The following IGIP variants were observed in gnomAD, a reference collection of about 807,000 sequenced individuals.
IGIP encodes the protein IgA-inducing protein homolog.
Under a neutral mutation model 3.2 loss-of-function variants are expected in IGIP, and 1 was observed. That is an observed-to-expected ratio of 0.32 (90% CI 0.11 to 1.50). The LOEUF (loss-of-function observed/expected upper bound fraction) is 1.50, where lower values mean the gene tolerates loss of function less well. Ranked by LOEUF, IGIP falls within the 40% of genes most tolerant of loss-of-function variation. The probability of loss-of-function intolerance (pLI) is 0.39; values close to 1 mark genes in which losing one functional copy is unlikely to be tolerated. For missense variants in IGIP, 64 were observed against 69.0 expected (o/e 0.93, Z 0.26); for synonymous variants, 20 against 22.7 (o/e 0.88, Z 0.34).
At position 140,127,676 on chromosome 5, in the gene IGIP, A is replaced by G. The variant is rs911373033; in HGVS notation, c.-801A>G. On this transcript the variant is annotated 5_prime_UTR_variant, in exon 1 of 1. Coordinates refer to ENST00000333305, the MANE Select transcript of IGIP (RefSeq NM_001007189.2). ...ACTGGAAGAAATTTTAAAAAAAGGA[A>G]TCCTGCTGTGAAAGGTATATATTAC... 5.4e-5 allele frequency: 9 copies of G among 166,954 alleles called. No homozygotes were observed. The highest frequency in any genetic ancestry group is 2.2e-4 in the African/African-American group (9 of 41,468). 10.3% of individuals were successfully genotyped at this position (166,954 alleles called of 1,614,324 possible). A position where few individuals can be genotyped will look rare whatever the true frequency, so the allele number is the denominator to read the frequency against.
rs1305898751 is a variant in IGIP at position 140,127,572 on chromosome 5, T to G, written c.-905T>G. On this transcript the variant is annotated 5_prime_UTR_variant, in exon 1 of 1. Coordinates refer to ENST00000333305, the MANE Select transcript of IGIP (RefSeq NM_001007189.2). ...ATTATTTTCAATGGTTGTGATAGAA[T>G]TTCCCCCAGTAGCCATTATTTTAAG... 6.0e-6 allele frequency: 1 copy of G among 167,086 alleles called. No homozygotes were observed. The highest frequency in any genetic ancestry group is 1.5e-5 in the Non-Finnish European group (1 of 68,134). 10.4% of individuals were successfully genotyped at this position (167,086 alleles called of 1,614,324 possible).
Position 140,126,853 on chromosome 5 carries a change from C to T in IGIP, c.-1624C>T, listed in dbSNP as rs1763219367. The stretch of plus-strand genomic sequence containing the variant: ...ACAGGTCACAGCTTGGATGATTGAC[C>T]TCAGGTGCCGTAGACAGCCCCAGAT... On this transcript the variant is annotated 5_prime_UTR_variant, in exon 1 of 1. Coordinates refer to ENST00000333305, the MANE Select transcript of IGIP (RefSeq NM_001007189.2). 1 of 167,062 alleles carries T rather than the reference C, an allele frequency of 6.0e-6. No individual in the cohort carries two copies. Among genetic ancestry groups the T allele is most frequent in the Non-Finnish European group, 1.5e-5 (1 of 68,136 alleles). The allele number at this position is 167,062 out of a possible 1,614,324, so 10.3% of individuals were successfully genotyped here.
Position 140,128,917 on chromosome 5 carries a change from A to G in IGIP, c.*279A>G. The G allele has an allele frequency of 3.0e-6, 1 of 336,848 alleles. No individual in the cohort carries two copies. Among genetic ancestry groups the G allele is most frequent in the East Asian group, 7.1e-5 (1 of 14,000 alleles). 20.9% of individuals were successfully genotyped at this position (336,848 alleles called of 1,614,324 possible). A position where few individuals can be genotyped will look rare whatever the true frequency, so the allele number is the denominator to read the frequency against. ...TGGAAACTTTTTAGGACTCAGTAGC[A>G]GGTATACTTATGCTTATGAATTGGC... On this transcript the variant is annotated 3_prime_UTR_variant, in exon 1 of 1. Coordinates refer to ENST00000333305, the MANE Select transcript of IGIP (RefSeq NM_001007189.2).
rs1763239211 is a variant in IGIP at position 140,128,580 on chromosome 5, G to A, written c.104G>A (p.Gly35Glu). The change falls in exon 1 of 1, where the codon GGA (glycine) becomes GAA (glutamate). Residue 35 changes from glycine to glutamate, a missense_variant. Coordinates refer to ENST00000333305, the MANE Select transcript of IGIP (RefSeq NM_001007189.2). Reference protein sequence around the residue: ...SHLSAGKSPCGNQANVLCISR... With the variant: ...SHLSAGKSPCENQANVLCISR... ...CTCAGTGCTGGGAAATCACCATGTG[G>A]AAACCAAGCAAACGTGTTGTGCATC... 2 of 1,611,938 alleles carry A rather than the reference G, an allele frequency of 1.2e-6. No individual in the cohort carries two copies. Among genetic ancestry groups the A allele is most frequent in the East Asian group, 4.5e-5 (2 of 44,798 alleles).
In IGIP at chr5:140,127,364, T is replaced by C. The variant is rs542799233; in HGVS notation, c.-1113T>C. The C allele has an allele frequency of 6.0e-6, 1 of 167,122 alleles. No individual in the cohort carries two copies. The highest frequency in any genetic ancestry group is 2.1e-4 in the South Asian group (1 of 4,826). 10.4% of individuals were successfully genotyped at this position (167,122 alleles called of 1,614,324 possible). ...GGAGGCTTCCAGAGGCTTCCAGCCA[T>C]GAGGTGTGAGCTGAAACCAATTTTT... On this transcript the variant is annotated 5_prime_UTR_variant, in exon 1 of 1. It removes an upstream start codon present in the reference 5' UTR. Coordinates refer to ENST00000333305, the MANE Select transcript of IGIP (RefSeq NM_001007189.2).
rs1234352580 is a variant in IGIP at position 140,127,887 on chromosome 5, A to G, written c.-590A>G. The stretch of plus-strand genomic sequence containing the variant: ...TAAGATTAACTTTATTAAAGAATGT[A>G]AACATTAATGTTTCCTTATGGGAAA... On this transcript the variant is annotated 5_prime_UTR_variant, in exon 1 of 1. The change abolishes the stop of an existing upstream ORF in the 5' untranslated region. Coordinates refer to ENST00000333305, the MANE Select transcript of IGIP (RefSeq NM_001007189.2). 6.0e-6 allele frequency: 1 copy of G among 166,980 alleles called. No individual in the cohort carries two copies. Among genetic ancestry groups the G allele is most frequent in the African/African-American group, 2.4e-5 (1 of 41,460 alleles). 10.3% of individuals were successfully genotyped at this position (166,980 alleles called of 1,614,324 possible).
rs1016861804 is a variant in IGIP at position 140,127,100 on chromosome 5, A to C, written c.-1377A>C. 5.4e-5 allele frequency: 9 copies of C among 166,806 alleles called. No individual in the cohort carries two copies. Among genetic ancestry groups the C allele is most frequent in the African/African-American group, 2.2e-4 (9 of 41,334 alleles). The allele number at this position is 166,806 out of a possible 1,614,324, so 10.3% of individuals were successfully genotyped here. On this transcript the variant is annotated 5_prime_UTR_variant, in exon 1 of 1. Transcript: ENST00000333305. ...TAATTGGAAATGTGCATCACTTCCC[A>C]TTTTTCTTACTGATCTCAGTGCAAA...
In IGIP at chr5:140,128,452, T is replaced by G. The variant is rs1763236512; in HGVS notation, c.-25T>G. On this transcript the variant is annotated 5_prime_UTR_variant, in exon 1 of 1. It removes the in-frame stop codon of an upstream open reading frame in the 5' UTR. Transcript: ENST00000333305. The stretch of plus-strand genomic sequence containing the variant: ...AAGTAAGCAAATGCAATTTAAAAAG[T>G]AAATTTGAGCATTCTGTATTAAATA... 2.0e-6 allele frequency: 3 copies of G among 1,535,292 alleles called. No homozygotes were observed. Among genetic ancestry groups the G allele is most frequent in the Non-Finnish European group, 2.6e-6 (3 of 1,144,650 alleles).
At position 140,128,630 on chromosome 5, in the gene IGIP, C is replaced by G; in HGVS notation, c.154C>G (p.Gln52Glu). Residue 52 changes from glutamine to glutamate, a missense_variant, in exon 1 of 1, where the codon CAA becomes GAA. By Grantham distance (29) the Gln-to-Glu change is conservative. Transcript: ENST00000333305. ...CISRLEFVQY[Q>E]S ...CAGCCGGCTTGAGTTTGTTCAATAT[C>G]AAAGCTGAAAACTAGCGAGGTCTGC... 2 of 1,610,184 alleles carry G rather than the reference C, an allele frequency of 1.2e-6. No homozygotes were observed. Among genetic ancestry groups the G allele is most frequent in the Non-Finnish European group, 1.7e-6 (2 of 1,178,930 alleles).
Position 140,128,773 on chromosome 5 carries a change from CA to C in IGIP, c.*142del, listed in dbSNP as rs951472629. The C allele has an allele frequency of 5.6e-6, 4 of 716,650 alleles. No individual in the cohort carries two copies. Among genetic ancestry groups the C allele is most frequent in the African/African-American group, 1.9e-5 (1 of 52,056 alleles). The allele number at this position is 716,650 out of a possible 1,614,324, so 44.4% of individuals were successfully genotyped here. On this transcript the variant is annotated 3_prime_UTR_variant, in exon 1 of 1. Coordinates refer to ENST00000333305, the MANE Select transcript of IGIP (RefSeq NM_001007189.2). ...ATTTGAAAAAATGAAATAAAGTAGG[CA>C]AAAAAATAAAGATGTTTATTTTTCA...
chr5:140,127,002 CAG>C lies in IGIP; in HGVS notation c.-1470_-1469del, dbSNP rs1201718945. The C allele has an allele frequency of 6.0e-6, 1 of 167,070 alleles. No homozygotes were observed. The highest frequency in any genetic ancestry group is 2.4e-5 in the African/African-American group (1 of 41,432). The allele number at this position is 167,070 out of a possible 1,614,324, so 10.3% of individuals were successfully genotyped here. ...ACACATCCTAATCGCTAGCGGTACTCAGAGAGGGGGTGCTAACTCTGATGCCC... is the reference window on the plus strand; with the variant it reads ...ACACATCCTAATCGCTAGCGGTACTCAGAGGGGGTGCTAACTCTGATGCCC... On this transcript the variant is annotated 5_prime_UTR_variant, in exon 1 of 1. Transcript: ENST00000333305.
At position 140,127,679 on chromosome 5, in the gene IGIP, C is replaced by T. The variant is rs1277771476; in HGVS notation, c.-798C>T. The T allele has an allele frequency of 6.0e-6, 1 of 166,724 alleles. No individual in the cohort carries two copies. The highest frequency in any genetic ancestry group is 1.9e-4 in the East Asian group (1 of 5,196). The allele number at this position is 166,724 out of a possible 1,614,324, so 10.3% of individuals were successfully genotyped here. Reference sequence around the variant, plus strand: ...GGAAGAAATTTTAAAAAAAGGAATCCTGCTGTGAAAGGTATATATTACTCT... The same window carrying T: ...GGAAGAAATTTTAAAAAAAGGAATCTTGCTGTGAAAGGTATATATTACTCT... On this transcript the variant is annotated 5_prime_UTR_variant, in exon 1 of 1. Transcript: ENST00000333305.
At position 140,127,477 on chromosome 5, in the gene IGIP, G is replaced by A. The variant is rs1264887484; in HGVS notation, c.-1000G>A. 1.2e-5 allele frequency: 2 copies of A among 167,000 alleles called. No homozygotes were observed. The highest frequency in any genetic ancestry group is 2.9e-5 in the Non-Finnish European group (2 of 68,108). The allele number at this position is 167,000 out of a possible 1,614,324, so 10.3% of individuals were successfully genotyped here. On this transcript the variant is annotated 5_prime_UTR_variant, in exon 1 of 1. Transcript: ENST00000333305. ...GTTCTGCTTTAATCTGGGTAACTGA[G>A]GCTAATATGAGCAAGACTTTGGTTA...
chr5:140,128,601 G>T lies in IGIP; in HGVS notation c.125G>T (p.Cys42Phe). The T allele has an allele frequency of 6.2e-7, 1 of 1,612,680 alleles. No homozygotes were observed. The highest frequency in any genetic ancestry group is 8.5e-7 in the Non-Finnish European group (1 of 1,179,684). ...SPCGNQANVLCISRLEFVQYQ... is the reference protein window; with the variant it reads ...SPCGNQANVLFISRLEFVQYQ... ...TGTGGAAACCAAGCAAACGTGTTGTGCATCAGCCGGCTTGAGTTTGTTCAA... is the reference window on the plus strand; with the variant it reads ...TGTGGAAACCAAGCAAACGTGTTGTTCATCAGCCGGCTTGAGTTTGTTCAA... Residue 42 changes from cysteine (C) to phenylalanine (F), a missense_variant, in exon 1 of 1, where the codon TGC becomes TTC. Physicochemically the swap from Cys to Phe is radical, Grantham distance 205 (BLOSUM62 -2). Coordinates refer to ENST00000333305, the MANE Select transcript of IGIP (RefSeq NM_001007189.2).
chr5:140,128,436 AAT>A lies in IGIP; in HGVS notation c.-40_-39del. ...AATTTTGCCAACTAAGAAGTAAGCA[AAT>A]GCAATTTAAAAAGTAAATTTGAGCA... On this transcript the variant is annotated 5_prime_UTR_variant, in exon 1 of 1. An upstream start codon of the reference 5' UTR is lost. Transcript: ENST00000333305. 1 of 1,514,086 alleles carries A rather than the reference AAT, an allele frequency of 6.6e-7. No homozygotes were observed. Among genetic ancestry groups the A allele is most frequent in the Non-Finnish European group, 8.9e-7 (1 of 1,124,652 alleles). 93.8% of individuals were successfully genotyped at this position (1,514,086 alleles called of 1,614,324 possible).
In IGIP at chr5:140,128,703, C is replaced by G. The variant is rs938369952; in HGVS notation, c.*65C>G. 1.5e-6 allele frequency: 2 copies of G among 1,310,914 alleles called. No homozygotes were observed. The highest frequency in any genetic ancestry group is 1.5e-5 in the African/African-American group (1 of 66,574). The allele number at this position is 1,310,914 out of a possible 1,614,324, so 81.2% of individuals were successfully genotyped here. A position where few individuals can be genotyped will look rare whatever the true frequency, so the allele number is the denominator to read the frequency against. ...TGATTATTTTAGGCATTGATTCTTA[C>G]AAAATATATACTGTAACAGTATACT... On this transcript the variant is annotated 3_prime_UTR_variant, in exon 1 of 1. Transcript: ENST00000333305.
rs919803623 is a variant in IGIP, at chr5:140,128,593, C to T, written c.117C>T (p.Asn39=). ...AATCACCATGTGGAAACCAAGCAAA[C>T]GTGTTGTGCATCAGCCGGCTTGAGT... ...AGKSPCGNQA[N]VLCISRLEFV... The change falls in exon 1 of 1, where the codon AAC becomes AAT. Residue 39 remains asparagine (N), a synonymous_variant. Coordinates refer to ENST00000333305, the MANE Select transcript of IGIP (RefSeq NM_001007189.2). The T allele has an allele frequency of 9.9e-6, 16 of 1,612,600 alleles. 1 individual carries two copies. Among genetic ancestry groups the T allele is most frequent in the East Asian group, 2.2e-5 (1 of 44,834 alleles).
In IGIP at chr5:140,128,923, ACTTATG is replaced by A; in HGVS notation, c.*292_*297del. ...CTTTTTAGGACTCAGTAGCAGGTAT[ACTTATG>A]CTTATGAATTGGCTGCAAGCATTAA... On this transcript the variant is annotated 3_prime_UTR_variant, in exon 1 of 1. Transcript: ENST00000333305. 1 of 304,286 alleles carries A rather than the reference ACTTATG, an allele frequency of 3.3e-6. No individual in the cohort carries two copies. The highest frequency in any genetic ancestry group is 4.8e-5 in the South Asian group (1 of 20,624). The allele number at this position is 304,286 out of a possible 1,614,324, so 18.8% of individuals were successfully genotyped here.
At position 140,129,186 on chromosome 5, in the gene IGIP, A is replaced by T. The variant is rs1028546496; in HGVS notation, c.*548A>T. On this transcript the variant is annotated 3_prime_UTR_variant, in exon 1 of 1. Transcript: ENST00000333305. ...TTTTTTGTTTTCTGTCAGTTACAAT[A>T]AAAAAAATGTAATTATCATGGATAC... 8.6e-5 allele frequency: 13 copies of T among 150,540 alleles called. No homozygotes were observed. The highest frequency in any genetic ancestry group is 3.2e-4 in the African/African-American group (13 of 40,158). 9.3% of individuals were successfully genotyped at this position (150,540 alleles called of 1,614,324 possible).
Sources: allele counts gnomAD v4.1 joint callset, GRCh38; gene constraint gnomAD v4.1.1; transcripts MANE v1.5; gene names NCBI Gene and HGNC (gene_info 2026-07-23, HGNC 2026-07-21).